MORF4L1: variants seen among roughly 807,000 people sequenced by gnomAD.
The protein encoded by MORF4L1 is mortality factor 4 like 1.
A neutral mutation model predicts 52.9 loss-of-function variants in MORF4L1; 4 were observed. The observed-to-expected ratio is 0.08, with a 90% CI of 0.04 to 0.17. The LOEUF (loss-of-function observed/expected upper bound fraction) is 0.17. Ranked by LOEUF, MORF4L1 falls within the 10% of genes least tolerant of loss-of-function variation. The pLI is 1.00. For synonymous variants in MORF4L1, 123 were observed against 134.8 expected (o/e 0.91, Z 0.61); for missense variants, 214 against 390.4 (o/e 0.55, Z 3.81).
At chr15:78,876,196 A>G (rs2141586706) in intron 1 of MORF4L1, among the ~76,000 whole-genome samples, 1 of 152,200 alleles carries the variant, frequency 6.6e-6, no homozygotes, top group African/African-American at 2.4e-5. Flanking sequence ...TCGCCGTCGC[A>G]AAGTTCTGGG....
chr15:78,877,241 C>T (rs1039074600), intron 1 of MORF4L1, among the ~76,000 whole-genome samples: 4 of 151,912 alleles, frequency 2.6e-5, no homozygotes, highest in African/African-American at 9.7e-5. Flanking sequence ...GTGCCTCAGC[C>T]TCCCGAATAG....
chr15:78,873,362 T>G, intron 1 of MORF4L1: 1 of 579,484 alleles, frequency 1.7e-6, no homozygotes, highest in Non-Finnish European at 2.4e-6. Flanking sequence ...AGCAGCCTAT[T>G]GTAGGGAGGC....
intron 11 of MORF4L1, among the ~76,000 whole-genome samples, chr15:78,896,427 C>T (rs1321538734): frequency 1.3e-5 from 2 of 149,566 alleles, no homozygotes; most frequent in Admixed American, 1.3e-4. Flanking sequence ...TCTCCTGCCT[C>T]AGCCTCCCGA....
rs572945862 is a variant in MORF4L1, at chr15:78,890,067, A to G, written c.324-922A>G. The stretch of plus-strand genomic sequence containing the variant: ...GTGAAATCCCGTCTCTTAAAATACA[A>G]AAATGAGCTGGGAGTGGTGGTGGGT... On this transcript the variant is annotated intron_variant, in intron 5 of 11. Transcript: ENST00000426013. 2.0e-5 allele frequency among the ~76,000 whole-genome samples: 3 copies of G among 152,244 alleles called. No individual in the cohort carries two copies. The South Asian group carries it at 6.2e-4, about 32-fold the overall frequency.
chr15:78,895,005 C>A, intron 11 of MORF4L1, 101 bp downstream of exon 11: 1 of 929,388 alleles, frequency 1.1e-6, no homozygotes, highest in Non-Finnish European at 1.7e-6. Context: ...TATATTGGTA[C>A]AGGCATAGAT....
intron 3 of MORF4L1, 41 bp from the exon 4 acceptor site, chr15:78,886,100 A>C: frequency 6.8e-7 from 1 of 1,474,602 alleles, no homozygotes; most frequent in Admixed American, 1.7e-5. Flanking sequence ...GTTGGAGAAC[A>C]GAGTATTTTT....
rs1430011078 is a variant in MORF4L1 at position 78,892,537 on chromosome 15, G to C, written c.540+224G>C. On this transcript the variant is annotated intron_variant, in intron 8 of 11. Coordinates refer to ENST00000426013, the MANE Select transcript of MORF4L1 (RefSeq NM_006791.4). ...TTATGAGGTTATAATGATAAAGGTG[G>C]AAATAACTCATTTTTGGAGATTGCT... is the stretch of plus-strand genomic sequence containing the variant. 3 of 387,978 alleles carry C rather than the reference G, an allele frequency of 7.7e-6. No homozygotes were observed. In the South Asian group the frequency reaches 1.6e-4, roughly 20 times the overall value. 24.0% of individuals were successfully genotyped at this position (387,978 alleles called of 1,614,324 possible). A position where few individuals can be genotyped will look rare whatever the true frequency, so the allele number is the denominator to read the frequency against.
At chr15:78,889,831 AG>A (rs570387398) in intron 5 of MORF4L1, among the ~76,000 whole-genome samples, 45 of 152,326 alleles carry the variant, frequency 3.0e-4, no homozygotes, top group Non-Finnish European at 5.9e-4. Context: ...GCTACAGAAA[AG>A]TAAAAAATCC....
At chr15:78,877,480 G>C (rs1426751258) in intron 1 of MORF4L1, among the ~76,000 whole-genome samples, 2 of 152,154 alleles carry the variant, frequency 1.3e-5, no homozygotes, top group Non-Finnish European at 1.5e-5. Flanking sequence ...AGTTGTCCAT[G>C]GGTCTTTTGA....
intron 1 of MORF4L1, chr15:78,873,342 G>A (rs1185818163): frequency 3.2e-6 from 3 of 934,442 alleles, no homozygotes; most frequent in South Asian, 4.2e-5. Context: ...GAGGAAGAGG[G>A]CGCGGAGAGA....
chr15:78,893,845 T>C (rs1490975358), intron 9 of MORF4L1, among the ~76,000 whole-genome samples: 1 of 151,714 alleles, frequency 6.6e-6, no homozygotes, highest in Non-Finnish European at 1.5e-5. Context: ...TGTAGGTATT[T>C]GCATAACCAT....
chr15:78,884,841 T>G (rs1596245401), intron 3 of MORF4L1: 4 of 533,434 alleles, frequency 7.5e-6, no homozygotes, highest in Non-Finnish European at 9.5e-6. Flanking sequence ...TTCTAAATTT[T>G]CAAACCTCAT....
intron 1 of MORF4L1, chr15:78,873,287 C>A: frequency 7.4e-7 from 1 of 1,356,072 alleles, no homozygotes. Context: ...GGAGAGAGAG[C>A]GTTTGGCGCG....
intron 2 of MORF4L1, among the ~76,000 whole-genome samples, chr15:78,879,788 AAAT>A (rs2056567359): frequency 6.6e-6 from 1 of 152,048 alleles, no homozygotes; most frequent in Admixed American, 6.6e-5. Flanking sequence ...AAAAAAAAAA[AAAT>A]TATGTCCTGT....
intron 4 of MORF4L1, among the ~76,000 whole-genome samples, chr15:78,886,871 C>T (rs540001462): frequency 3.6e-4 from 55 of 150,782 alleles, no homozygotes; most frequent in African/African-American, 1.2e-3. Context: ...AGGAGAATGG[C>T]GTGAACCCGG....
intron 1 of MORF4L1, among the ~76,000 whole-genome samples, chr15:78,874,994 A>T (rs1178654688): frequency 6.6e-6 from 1 of 152,024 alleles, no homozygotes; most frequent in Non-Finnish European, 1.5e-5. Flanking sequence ...TCAACATTAC[A>T]GTTATGGAAG....
chr15:78,896,028 G>C (rs1246113504), intron 11 of MORF4L1, among the ~76,000 whole-genome samples: 1 of 152,014 alleles, frequency 6.6e-6, no homozygotes, highest in East Asian at 1.9e-4. Context: ...GCCCAGGCTG[G>C]AGTGCAGTGA....
At chr15:78,881,445 C>T (rs1836502672) in intron 3 of MORF4L1, among the ~76,000 whole-genome samples, 1 of 152,030 alleles carries the variant, frequency 6.6e-6, no homozygotes, top group South Asian at 2.1e-4. Context: ...ATCCACCCGC[C>T]TCGGCCTCCC....
chr15:78,879,525 G>C (rs1010945628), intron 2 of MORF4L1, among the ~76,000 whole-genome samples: 1 of 152,106 alleles, frequency 6.6e-6, no homozygotes, highest in African/African-American at 2.4e-5. Flanking sequence ...TTGGGAGACT[G>C]TCTCTTAAAA....
Sources: gnomAD v4.1 joint callset for allele counts (sites outside exome capture counted in the v4.1 genomes callset) on GRCh38, gnomAD v4.1.1 for gene constraint, MANE v1.5 for transcripts, NCBI Gene and HGNC (gene_info 2026-07-23, HGNC 2026-07-21) for gene names.